The following SP100 variants were observed in gnomAD, a reference collection of about 807,000 sequenced individuals.
SP100 encodes the protein nuclear autoantigen Sp-100.
A neutral mutation model predicts 130.0 loss-of-function variants in SP100; 84 were observed. The observed-to-expected ratio is 0.65, with a 90% CI of 0.54 to 0.77. SP100 has a LOEUF of 0.77. SP100 is among the 30% of genes least tolerant of loss of function. The probability of loss-of-function intolerance (pLI) is 0.00; values close to 1 mark genes in which losing one functional copy is unlikely to be tolerated. For synonymous variants in SP100, 331 were observed against 351.7 expected, an observed-to-expected ratio of 0.94 and a Z score of 0.66; for missense variants, 978 against 1,052.2, an observed-to-expected ratio of 0.93 and a Z score of 0.97.
chr2:230,462,630 C>A (rs573023164), intron 10 of SP100, 112 bp downstream of exon 10: 17 of 796,792 alleles, frequency 2.1e-5, no homozygotes, highest in Admixed American at 1.2e-4. Flanking sequence ...CCAGTTTATC[C>A]TGGGATCCCA....
intron 24 of SP100, among the ~76,000 whole-genome samples, chr2:230,513,303 T>C (rs1308679745): frequency 2.0e-5 from 3 of 152,256 alleles, no homozygotes; most frequent in Non-Finnish European, 4.4e-5. Flanking sequence ...TCAGTAAAAC[T>C]CTAAGATCCA....
rs1193474162 is a variant in SP100 at position 230,545,532 on chromosome 2, C to T, written c.*2586C>T. Among the ~76,000 whole-genome samples, 2 of 152,002 alleles carry T rather than the reference C, an allele frequency of 1.3e-5. No individual in the cohort carries two copies. The highest frequency in any genetic ancestry group is 2.9e-5 in the Non-Finnish European group (2 of 67,998). ...AGAGTTTCCCTATATAACAAACCTT[C>T]ACATATACCCCTGAACCTAAAAGTT... On this transcript the variant is annotated 3_prime_UTR_variant, in exon 29 of 29. Transcript: ENST00000340126.
chr2:230,506,296 C>G lies in SP100; in HGVS notation c.1871-7C>G. 1 of 1,613,422 alleles carries G rather than the reference C, an allele frequency of 6.2e-7. No individual in the cohort carries two copies. Among genetic ancestry groups the G allele is most frequent in the Non-Finnish European group, 8.5e-7 (1 of 1,179,556 alleles). On this transcript the variant is annotated splice_region_variant and splice_polypyrimidine_tract_variant and intron_variant, in intron 21 of 28. Transcript: ENST00000340126. Reference sequence around the variant, plus strand: ...GTTGGGGAGCTCACTTTGCCTTGGTCTTACAGGAACCTCAAAGAAGTGTAT... The same window carrying G: ...GTTGGGGAGCTCACTTTGCCTTGGTGTTACAGGAACCTCAAAGAAGTGTAT...
chr2:230,489,495 T>C (rs1160930389), intron 17 of SP100, among the ~76,000 whole-genome samples: 1 of 152,020 alleles, frequency 6.6e-6, no homozygotes, highest in African/African-American at 2.4e-5. Context: ...TTGGAGAGTT[T>C]TTCATATCTC....
intron 11 of SP100, among the ~76,000 whole-genome samples, chr2:230,464,560 G>T (rs2064836154): frequency 6.6e-6 from 1 of 152,104 alleles, no homozygotes; most frequent in African/African-American, 2.4e-5. Context: ...TTAATCACAA[G>T]CTCAGAAAGT....
chr2:230,425,121 C>A (rs1415764092), intron 2 of SP100, among the ~76,000 whole-genome samples: 3 of 152,180 alleles, frequency 2.0e-5, no homozygotes, highest in African/African-American at 7.2e-5. Context: ...ACATATCCAT[C>A]ATGTCACATA....
intron 24 of SP100, among the ~76,000 whole-genome samples, chr2:230,535,275 T>G (rs573636069): frequency 1.3e-5 from 2 of 152,220 alleles, no homozygotes; most frequent in Admixed American, 6.5e-5. Context: ...GACTTTTGAA[T>G]GTAGGTTTCT....
rs564911266 is a variant in SP100, at chr2:230,462,632, G to A, written c.1057+114G>A. Reference sequence around the variant, plus strand: ...CTGTACAATGGATCCAGTTTATCCTGGGATCCCATTCTTTGCATTAATTTT... The same window carrying A: ...CTGTACAATGGATCCAGTTTATCCTAGGATCCCATTCTTTGCATTAATTTT... On this transcript the variant is annotated intron_variant, in intron 10 of 28. Transcript: ENST00000340126. The A allele has an allele frequency of 3.3e-5, 26 of 786,494 alleles. No homozygotes were observed. In the East Asian group the frequency reaches 6.6e-4, roughly 20 times the overall value. The allele number at this position is 786,494 out of a possible 1,614,324, so 48.7% of individuals were successfully genotyped here.
intron 23 of SP100, chr2:230,510,532 T>A (rs1575781058): frequency 3.0e-5 from 3 of 98,430 alleles, no homozygotes; most frequent in South Asian, 4.2e-4. Flanking sequence ...TTTTTTTTTT[T>A]ACAGAGTCTA....
intron 17 of SP100, among the ~76,000 whole-genome samples, chr2:230,490,683 G>A (rs1559516819): frequency 6.6e-6 from 1 of 152,140 alleles, no homozygotes; most frequent in Non-Finnish European, 1.5e-5. Context: ...GGCAGGCCTA[G>A]TAGTAACAAA....
chr2:230,454,245 T>G (rs977247611), intron 8 of SP100, among the ~76,000 whole-genome samples: 2 of 152,114 alleles, frequency 1.3e-5, no homozygotes, highest in African/African-American at 4.8e-5. Flanking sequence ...AGCCAGTGCT[T>G]TGTTTTGTTG....
intron 2 of SP100, among the ~76,000 whole-genome samples, chr2:230,423,637 T>G (rs1367273558): frequency 6.6e-6 from 1 of 152,234 alleles, no homozygotes; most frequent in African/African-American, 2.4e-5. Context: ...TTCTAATAAA[T>G]GCATTTTAGG....
chr2:230,423,375 T>G (rs2062827350), intron 2 of SP100, among the ~76,000 whole-genome samples: 1 of 152,142 alleles, frequency 6.6e-6, no homozygotes, highest in Non-Finnish European at 1.5e-5. Context: ...CATTGTTTAT[T>G]ATTGTTTTTT....
chr2:230,530,621 C>T (rs1464352940), intron 24 of SP100, among the ~76,000 whole-genome samples: 1 of 152,140 alleles, frequency 6.6e-6, no homozygotes, highest in African/African-American at 2.4e-5. Context: ...GCAAAAGAAC[C>T]TATCATCAGA....
intron 17 of SP100, among the ~76,000 whole-genome samples, chr2:230,475,753 A>C (rs1010151319): frequency 2.6e-5 from 4 of 152,132 alleles, no homozygotes; most frequent in Admixed American, 2.0e-4. Context: ...TTTTCTTCGT[A>C]TGTCTAGCCA....
rs756037921 is a variant in SP100 at position 230,416,251 on chromosome 2, C to T, written c.-46C>T. 5.7e-6 allele frequency: 9 copies of T among 1,580,708 alleles called. No homozygotes were observed. In the South Asian group the frequency reaches 6.7e-5, roughly 12 times the overall value. On this transcript the variant is annotated 5_prime_UTR_variant, in exon 1 of 29. Transcript: ENST00000340126. ...CACGCAGGCTGGGCCGACTGAGGGG[C>T]TCAGAGGCCAGGCTCTGAGGCCCAC...
chr2:230,503,705 AAAGTG>A (rs2067165422), intron 20 of SP100, among the ~76,000 whole-genome samples: 1 of 152,208 alleles, frequency 6.6e-6, no homozygotes, highest in Non-Finnish European at 1.5e-5. Flanking sequence ...CTCAAGTGAA[AAAGTG>A]AAGCAAAGCA....
intron 2 of SP100, among the ~76,000 whole-genome samples, chr2:230,441,161 T>G (rs1054950775): frequency 6.6e-6 from 1 of 152,146 alleles, no homozygotes; most frequent in Non-Finnish European, 1.5e-5. Context: ...GCCAAAGACT[T>G]GAACAGACAC....
chr2:230,449,739 G>C (rs748968145), intron 7 of SP100, 29 bp downstream of exon 7: 13 of 1,613,276 alleles, frequency 8.1e-6, no homozygotes, highest in Non-Finnish European at 1.1e-5. Flanking sequence ...GCATGAATGG[G>C]GAGGAGCCAA....
Sources: allele counts gnomAD v4.1 joint callset (sites outside exome capture counted in the v4.1 genomes callset), GRCh38; gene constraint gnomAD v4.1.1; transcripts MANE v1.5; gene names NCBI Gene and HGNC (gene_info 2026-07-23, HGNC 2026-07-21).